The following COL18A1 variants were observed in gnomAD, a reference collection of about 807,000 sequenced individuals.
COL18A1 encodes collagen alpha-1(XVIII) chain.
A neutral mutation model predicts 168.0 loss-of-function variants in COL18A1; 133 were observed. That is an observed-to-expected ratio of 0.79 (90% confidence interval 0.69 to 0.91). COL18A1 has a LOEUF of 0.91. COL18A1 is among the 40% of genes least tolerant of loss of function. The pLI is 0.00. For synonymous variants in COL18A1, 949 were observed against 809.0 expected (o/e 1.17, Z -2.94); for missense variants, 2,126 against 1,925.4 (o/e 1.10, Z -1.95).
At chr21:45,437,266 TCAGA>T (rs1325703523) in intron 2 of COL18A1, among the ~76,000 whole-genome samples, 16 of 26,594 alleles carry the variant, frequency 6.0e-4, no homozygotes, top group South Asian at 2.0e-3. Context: ...ACTCACACAC[TCAGA>T]CACACAGGCA....
intron 17 of COL18A1, 35 bp downstream of exon 17, chr21:45,487,544 G>C: frequency 6.2e-7 from 1 of 1,610,390 alleles, no homozygotes; most frequent in Non-Finnish European, 8.5e-7. Flanking sequence ...CGGCTCTGAG[G>C]GGTAAGGGGG....
intron 30 of COL18A1, 119 bp downstream of exon 30, chr21:45,496,687 G>T: frequency 1.3e-6 from 1 of 745,032 alleles, no homozygotes. Context: ...TCTAGGATGT[G>T]CCAGTCTGGT....
intron 2 of COL18A1, chr21:45,455,595 G>C (rs751529142): frequency 6.2e-7 from 1 of 1,613,900 alleles, no homozygotes; most frequent in Non-Finnish European, 8.5e-7. Flanking sequence ...GCGGCTGCCC[G>C]GGCCAACCTG....
At chr21:45,479,311 CAT>C (rs1425633992) in intron 9 of COL18A1, among the ~76,000 whole-genome samples, 1 of 151,284 alleles carries the variant, frequency 6.6e-6, no homozygotes, top group Non-Finnish European at 1.5e-5. Flanking sequence ...ACACACCACA[CAT>C]TACACCACAC....
chr21:45,486,573 C>T (rs932654041), intron 15 of COL18A1, among the ~76,000 whole-genome samples: 1 of 152,144 alleles, frequency 6.6e-6, no homozygotes, highest in Non-Finnish European at 1.5e-5. Flanking sequence ...ACGAGGGTGC[C>T]CTGTGCACCT....
chr21:45,474,364 GTC>G (rs2035557602), intron 4 of COL18A1, among the ~76,000 whole-genome samples: 1 of 148,086 alleles, frequency 6.8e-6, no homozygotes, highest in Non-Finnish European at 1.5e-5. Flanking sequence ...TGTGTGGTGT[GTC>G]TGTCTTGTGT....
At chr21:45,455,509 C>T (rs114899519) in intron 2 of COL18A1, 2 of 1,611,080 alleles carry the variant, frequency 1.2e-6, no homozygotes, top group East Asian at 4.5e-5. Flanking sequence ...CCGCCGCCCG[C>T]AGCTCCAGCC....
At chr21:45,503,803 TTAAAAATAAAA>T (rs2037013874) in intron 32 of COL18A1, 197 bp from the exon 33 acceptor site, 4 of 317,624 alleles carry the variant, frequency 1.3e-5, no homozygotes, top group Admixed American at 9.6e-5. Context: ...TTTAAAAAAT[TTAAAAATAAAA>T]TAAAAATAAA....
At position 45,473,898 on chromosome 21, in the gene COL18A1, G is replaced by T. The variant is rs1174846862; in HGVS notation, c.655G>T (p.Val219Leu). 1.2e-6 allele frequency: 2 copies of T among 1,600,330 alleles called. No homozygotes were observed. The highest frequency in any genetic ancestry group is 4.5e-5 in the East Asian group (2 of 44,070). ...GGADPDKFQGVIAELKVRRDP... is the reference protein window; with the variant it reads ...GGADPDKFQGLIAELKVRRDP... Reference sequence around the variant, plus strand: ...CCCTTTCTCTGTCTGCATTTAGGGGGTGATCGCTGAGCTGAAGGTGCGCAG... The same window carrying T: ...CCCTTTCTCTGTCTGCATTTAGGGGTTGATCGCTGAGCTGAAGGTGCGCAG... Residue 219 changes from valine (V) to leucine (L), a missense_variant, in exon 4 of 42, where the codon GTG (valine) becomes TTG (leucine). By Grantham distance (32) the Val-to-Leu change is conservative. Coordinates refer to ENST00000651438, the MANE Select transcript of COL18A1 (RefSeq NM_001379500.1). This position sits in a 1 kb window ranked among gnomAD's most constrained non-coding sequence, Gnocchi z 4.0.
intron 40 of COL18A1, among the ~76,000 whole-genome samples, chr21:45,510,699 ACTGGG>A (rs1239544534): frequency 3.9e-4 from 59 of 152,224 alleles, no homozygotes; most frequent in African/African-American, 1.3e-3. Context: ...CTTTTCGTGC[ACTGGG>A]CTGTGGCTTC....
Position 45,480,694 on chromosome 21 carries a change from G to C in COL18A1, c.1453-6G>C, listed in dbSNP as rs200886865. 1.2e-6 allele frequency: 2 copies of C among 1,610,880 alleles called. No homozygotes were observed. Among genetic ancestry groups the C allele is most frequent in the Admixed American group, 1.7e-5 (1 of 60,020 alleles). On this transcript the variant is annotated splice_polypyrimidine_tract_variant and splice_region_variant and intron_variant, in intron 12 of 41. Coordinates refer to ENST00000651438, the MANE Select transcript of COL18A1 (RefSeq NM_001379500.1). ...GCTGTGACTATCTGTGTTCGCCCAC[G>C]TCCAGGGTCCTCGAGGCTTCCCTGG... is the stretch of plus-strand genomic sequence containing the variant.
At chr21:45,465,808 C>G (rs139995894) in intron 2 of COL18A1, among the ~76,000 whole-genome samples, 3 of 152,172 alleles carry the variant, frequency 2.0e-5, no homozygotes, top group Non-Finnish European at 2.9e-5. Flanking sequence ...TGAGCACAGG[C>G]GGGCGTCCGT....
intron 2 of COL18A1, chr21:45,424,563 C>T (rs981312939): frequency 1.3e-5 from 2 of 152,328 alleles, no homozygotes; most frequent in Non-Finnish European, 2.9e-5. Context: ...CCCCTGCGGC[C>T]CACCTGACCA....
intron 9 of COL18A1, among the ~76,000 whole-genome samples, chr21:45,479,286 T>C (rs1429934408): frequency 1.4e-5 from 2 of 139,822 alleles, no homozygotes; most frequent in Non-Finnish European, 3.2e-5. Context: ...GCACACACAT[T>C]ACACACATGT....
chr21:45,503,330 A>G (rs2036966271), intron 32 of COL18A1, among the ~76,000 whole-genome samples: 1 of 152,026 alleles, frequency 6.6e-6, no homozygotes, highest in South Asian at 2.1e-4. Flanking sequence ...AGTGATGATG[A>G]GCATTTTTTC....
chr21:45,445,272 G>A (rs1048903429), intron 2 of COL18A1, among the ~76,000 whole-genome samples: 2 of 152,144 alleles, frequency 1.3e-5, no homozygotes, highest in African/African-American at 4.8e-5. Context: ...CGTCCGTGTT[G>A]CACCCTGTCC....
chr21:45,475,397 C>T (rs2035611125), intron 4 of COL18A1, 79 bp from the exon 5 acceptor site: 1 of 1,330,652 alleles, frequency 7.5e-7, no homozygotes, highest in Non-Finnish European at 1.1e-6. Context: ...GAGCAGCGTC[C>T]TTTGCTTCCC....
chr21:45,477,408 C>T lies in COL18A1; in HGVS notation c.929-3C>T. 6.2e-7 allele frequency: 1 copy of T among 1,611,954 alleles called. No individual in the cohort carries two copies. Among genetic ancestry groups the T allele is most frequent in the Non-Finnish European group, 8.5e-7 (1 of 1,179,234 alleles). ...CCGTGGCCACCTCTGCTTCTCTTCC[C>T]AGCTCAGACACTTCCTGGCTCAGAT... On this transcript the variant is annotated splice_polypyrimidine_tract_variant and splice_region_variant and intron_variant, in intron 6 of 41. Coordinates refer to ENST00000651438, the MANE Select transcript of COL18A1 (RefSeq NM_001379500.1).
chr21:45,426,198 G>A (rs751538615), intron 2 of COL18A1, among the ~76,000 whole-genome samples: 34 of 152,044 alleles, frequency 2.2e-4, no homozygotes, highest in Non-Finnish European at 3.5e-4. Flanking sequence ...TCTACCTCCC[G>A]GGTTCAAGCG....
Sources: gnomAD v4.1 joint callset for allele counts (sites outside exome capture counted in the v4.1 genomes callset) on GRCh38, gnomAD v4.1.1 for gene constraint, Gnocchi (gnomAD v3.1) non-coding constraint, MANE v1.5 for transcripts, NCBI Gene and HGNC (gene_info 2026-07-23, HGNC 2026-07-21) for gene names.